Variants in NARS2 observed in about 807,000 individuals in gnomAD.
NARS2 encodes asparaginyl-tRNA synthetase 2, mitochondrial, also known as asparaginyl-tRNA synthetase.
NARS2 carries 60 observed loss-of-function variants against 62.9 expected under a neutral mutation model. That is an observed-to-expected ratio of 0.95 (90% confidence interval 0.77 to 1.18). The LOEUF is 1.18. Ranked by LOEUF, NARS2 falls within the 50% of genes most tolerant of loss-of-function variation. The pLI is 0.00. For missense variants in NARS2, 619 were observed against 576.4 expected, an observed-to-expected ratio of 1.07 and a Z score of -0.76; for synonymous variants, 196 against 200.0, an observed-to-expected ratio of 0.98 and a Z score of 0.17.
At chr11:78,572,964 A>G (rs903918029) in intron 1 of NARS2, among the ~76,000 whole-genome samples, 4 of 152,242 alleles carry the variant, frequency 2.6e-5, no homozygotes. Context: ...CTACCATATC[A>G]GACCTCACAG....
chr11:78,545,762 G>C (rs891883361), intron 5 of NARS2, among the ~76,000 whole-genome samples: 1 of 151,902 alleles, frequency 6.6e-6, no homozygotes, highest in East Asian at 1.9e-4. Context: ...TCGAACTCCT[G>C]GCCTCAAGTG....
intron 4 of NARS2, among the ~76,000 whole-genome samples, chr11:78,563,851 A>AAATAT (rs1404770578): frequency 5.6e-4 from 19 of 34,014 alleles, no homozygotes; most frequent in African/African-American, 1.7e-3. Flanking sequence ...AAAAAAAAAA[A>AAATAT]ATATATATAT....
Position 78,436,662 on chromosome 11 carries a change from T to A in NARS2, c.*8A>T. ...ATGGGGGGTGCTTTTCCTTAACCAA[T>A]CTTCCAGCTATAAAAGGCATGAATG... On this transcript the variant is annotated 3_prime_UTR_variant, in exon 14 of 14. Coordinates refer to ENST00000281038, the MANE Select transcript of NARS2 (RefSeq NM_024678.6). 3 of 1,614,036 alleles carry A rather than the reference T, an allele frequency of 1.9e-6. No homozygotes were observed. The highest frequency in any genetic ancestry group is 2.5e-6 in the Non-Finnish European group (3 of 1,179,950).
intron 6 of NARS2, among the ~76,000 whole-genome samples, chr11:78,499,634 A>T (rs1489403005): frequency 6.6e-6 from 1 of 152,202 alleles, no homozygotes; most frequent in Non-Finnish European, 1.5e-5. Flanking sequence ...AAAGGACTAG[A>T]GCGGGTGAAC....
intron 11 of NARS2, among the ~76,000 whole-genome samples, chr11:78,463,418 G>C (rs942010564): frequency 1.3e-5 from 2 of 152,170 alleles, no homozygotes; most frequent in Admixed American, 6.5e-5. Flanking sequence ...AGGTGCAGTG[G>C]CTCACGCCTG....
At chr11:78,495,901 A>G (rs567500066) in intron 6 of NARS2, among the ~76,000 whole-genome samples, 2 of 152,334 alleles carry the variant, frequency 1.3e-5, no homozygotes, top group East Asian at 3.9e-4. Flanking sequence ...GTGTATACTT[A>G]TGGAGCACAG....
In NARS2 at chr11:78,478,860, G is replaced by C. The variant is rs577292224; in HGVS notation, c.823-177C>G. On this transcript the variant is annotated intron_variant, in intron 7 of 13. Transcript: ENST00000281038. ...TTTTCCAGGCATCTCAATTTCCTTG[G>C]TGGGTGGCAGGGAGGAAGAAAAAAG... 5.9e-5 allele frequency among the ~76,000 whole-genome samples: 9 copies of C among 152,212 alleles called. No homozygotes were observed. In the East Asian group the frequency reaches 1.7e-3, roughly 29 times the overall value.
Position 78,495,654 on chromosome 11 carries a change from A to G in NARS2, c.690-2459T>C, listed in dbSNP as rs116939234. ...CTTCCTCAGTTGTAAACTAAAAAGC[A>G]CATCCTCACAAACGGTAACATTACA... is the stretch of plus-strand genomic sequence containing the variant. On this transcript the variant is annotated intron_variant, in intron 6 of 13. Coordinates refer to ENST00000281038, the MANE Select transcript of NARS2 (RefSeq NM_024678.6). 7.3e-3 allele frequency among the ~76,000 whole-genome samples: 1,119 copies of G among 152,314 alleles called. 10 individuals are homozygous for G. The highest frequency in any genetic ancestry group is 0.012 in the Non-Finnish European group (833 of 68,028).
intron 6 of NARS2, among the ~76,000 whole-genome samples, chr11:78,502,553 A>G (rs959917621): frequency 6.6e-6 from 1 of 152,240 alleles, no homozygotes; most frequent in Non-Finnish European, 1.5e-5. Flanking sequence ...AATTCAGTAC[A>G]TAACAGAGAA....
At chr11:78,522,782 A>G (rs1452483686) in intron 6 of NARS2, among the ~76,000 whole-genome samples, 3 of 152,212 alleles carry the variant, frequency 2.0e-5, no homozygotes, top group Non-Finnish European at 4.4e-5. Flanking sequence ...TAATGTAAGT[A>G]TAAGTTTCAG....
At chr11:78,465,323 G>C (rs1179714845) in intron 11 of NARS2, among the ~76,000 whole-genome samples, 2 of 152,248 alleles carry the variant, frequency 1.3e-5, no homozygotes, top group African/African-American at 4.8e-5. Flanking sequence ...GCCGGCTCCG[G>C]CCTTGGCCAG....
intron 6 of NARS2, among the ~76,000 whole-genome samples, chr11:78,521,969 C>G (rs1308362426): frequency 6.6e-6 from 1 of 152,016 alleles, no homozygotes; most frequent in Non-Finnish European, 1.5e-5. Flanking sequence ...AAAGAGGCAG[C>G]AACAATCTCC....
At chr11:78,513,504 G>A (rs1480380054) in intron 6 of NARS2, among the ~76,000 whole-genome samples, 2 of 151,850 alleles carry the variant, frequency 1.3e-5, no homozygotes, top group African/African-American at 4.8e-5. Flanking sequence ...TGGGCCGGGT[G>A]CGGTGGCTCA....
chr11:78,448,891 A>G (rs749906269), intron 11 of NARS2, among the ~76,000 whole-genome samples: 6 of 152,230 alleles, frequency 3.9e-5, no homozygotes, highest in Admixed American at 1.3e-4. Flanking sequence ...GTATCTTTGC[A>G]TGCAGATCTA....
chr11:78,549,966 T>A (rs1311953721), intron 5 of NARS2, among the ~76,000 whole-genome samples: 1 of 152,274 alleles, frequency 6.6e-6, no homozygotes, highest in South Asian at 2.1e-4. Flanking sequence ...AAGACTTAAA[T>A]AGACATTTTT....
At chr11:78,526,972 C>G (rs1439961989) in intron 6 of NARS2, among the ~76,000 whole-genome samples, 1 of 152,136 alleles carries the variant, frequency 6.6e-6, no homozygotes, top group Non-Finnish European at 1.5e-5. Flanking sequence ...TCGACGATTA[C>G]TTAATTACTT....
intron 5 of NARS2, chr11:78,555,203 T>C (rs1293786346): frequency 3.3e-5 from 5 of 152,176 alleles, no homozygotes; most frequent in Non-Finnish European, 7.3e-5. Context: ...TTTTTTGTTG[T>C]GTCTCTCCCA....
intron 11 of NARS2, among the ~76,000 whole-genome samples, chr11:78,462,777 C>T (rs574026981): frequency 3.4e-4 from 51 of 152,140 alleles, no homozygotes; most frequent in African/African-American, 1.1e-3. Context: ...GCTAATACAG[C>T]TGTATTAATA....
intron 4 of NARS2, among the ~76,000 whole-genome samples, chr11:78,565,302 G>A (rs1317429569): frequency 6.6e-6 from 1 of 152,178 alleles, no homozygotes; most frequent in East Asian, 1.9e-4. Flanking sequence ...CTATGACCAA[G>A]ATGGAGAAAC....
Sources: gnomAD v4.1 joint callset for allele counts (sites outside exome capture counted in the v4.1 genomes callset) on GRCh38, gnomAD v4.1.1 for gene constraint, MANE v1.5 for transcripts, NCBI Gene and HGNC (gene_info 2026-07-23, HGNC 2026-07-21) for gene names.